Variants in CSMD1 observed in about 807,000 individuals in gnomAD.
CSMD1 encodes the protein CUB and Sushi multiple domains 1, also known as CUB and sushi domain-containing protein 1.
CSMD1 carries 213 observed loss-of-function variants against 417.5 expected under a neutral mutation model. That is an observed-to-expected ratio of 0.51 (90% CI 0.46 to 0.57). The LOEUF is 0.57. Among genes scored for constraint, CSMD1 ranks in the 20% least tolerant of loss-of-function variants. CSMD1 has a pLI of 0.00. For missense variants in CSMD1, 6,923 were observed against 4,529.7 expected, an observed-to-expected ratio of 1.53 and a Z score of -15.17; for synonymous variants, 2,862 against 1,736.8, an observed-to-expected ratio of 1.65 and a Z score of -16.11.
chr8:4,317,943 C>T lies in CSMD1; in HGVS notation c.415+102010G>A, dbSNP rs1027471276. ...TGTCAAGAATGATGTAATATGTTGC[C>T]GTTCCGAATTTAAGGTATTTGGTAT... On this transcript the variant is annotated intron_variant, in intron 3 of 69. Coordinates refer to ENST00000635120, the MANE Select transcript of CSMD1 (RefSeq NM_033225.6). Among the ~76,000 whole-genome samples the T allele has an allele frequency of 2.0e-5, 3 of 152,118 alleles. 1 individual carries two copies. Among genetic ancestry groups the T allele is most frequent in the Middle Eastern group, 6.8e-3 (2 of 294 alleles).
At chr8:3,239,699 C>T (rs924394603) in intron 26 of CSMD1, among the ~76,000 whole-genome samples, 2 of 152,160 alleles carry the variant, frequency 1.3e-5, no homozygotes, top group Non-Finnish European at 2.9e-5. Flanking sequence ...GTGGCTAGTA[C>T]TATAGCATAG....
intron 5 of CSMD1, among the ~76,000 whole-genome samples, chr8:3,784,581 T>C (rs1034122228): frequency 6.6e-6 from 1 of 152,218 alleles, no homozygotes; most frequent in African/African-American, 2.4e-5. Flanking sequence ...TTCTAATTTA[T>C]TAAGATGCTT....
At chr8:3,994,484 C>G (rs1815048025) in intron 5 of CSMD1, among the ~76,000 whole-genome samples, 1 of 148,794 alleles carries the variant, frequency 6.7e-6, no homozygotes, top group South Asian at 2.1e-4. Flanking sequence ...TGGCTAGTCT[C>G]ACCACTACAC....
chr8:4,106,802 G>A (rs752021814), intron 3 of CSMD1, among the ~76,000 whole-genome samples: 16 of 152,096 alleles, frequency 1.1e-4, no homozygotes, highest in Non-Finnish European at 2.2e-4. Context: ...TGGTCTGGGA[G>A]AGCTCAGGTC....
chr8:3,983,063 TC>T (rs1814010555), intron 5 of CSMD1, among the ~76,000 whole-genome samples: 1 of 151,630 alleles, frequency 6.6e-6, no homozygotes, highest in Non-Finnish European at 1.5e-5. Context: ...GTTGGCTGAC[TC>T]TTTTCCCCAG....
At chr8:3,982,783 C>G (rs1204284142) in intron 5 of CSMD1, among the ~76,000 whole-genome samples, 10 of 152,080 alleles carry the variant, frequency 6.6e-5, no homozygotes, top group Non-Finnish European at 1.0e-4. Flanking sequence ...AGGGCCAGAA[C>G]GAGGGCAAGA....
chr8:3,478,028 C>T (rs998255094), intron 11 of CSMD1, among the ~76,000 whole-genome samples: 15 of 152,142 alleles, frequency 9.9e-5, no homozygotes, highest in Non-Finnish European at 2.2e-4. Flanking sequence ...CATACATATA[C>T]TGAAGTTACT....
intron 1 of CSMD1, among the ~76,000 whole-genome samples, chr8:4,781,575 A>G (rs990189800): frequency 6.6e-6 from 1 of 152,242 alleles, no homozygotes; most frequent in Admixed American, 6.5e-5. Flanking sequence ...TTGTGGGTCA[A>G]TTAGATCTTA....
At chr8:4,667,031 A>T (rs1804981277) in intron 1 of CSMD1, among the ~76,000 whole-genome samples, 1 of 152,156 alleles carries the variant, frequency 6.6e-6, no homozygotes, top group Non-Finnish European at 1.5e-5. Context: ...TTTGTGTATA[A>T]TGTGAGATAT....
intron 3 of CSMD1, among the ~76,000 whole-genome samples, chr8:4,209,240 C>G (rs1240239910): frequency 6.6e-6 from 1 of 152,264 alleles, no homozygotes; most frequent in Non-Finnish European, 1.5e-5. Flanking sequence ...GCCCAGATTT[C>G]TAAACGAAAA....
At chr8:4,003,974 A>T (rs774188476) in intron 4 of CSMD1, among the ~76,000 whole-genome samples, 3 of 152,216 alleles carry the variant, frequency 2.0e-5, no homozygotes, top group Non-Finnish European at 4.4e-5. Flanking sequence ...ACTGGAAAAC[A>T]TTCAGAGACT....
At chr8:4,079,326 C>T (rs907959156) in intron 3 of CSMD1, among the ~76,000 whole-genome samples, 12 of 152,150 alleles carry the variant, frequency 7.9e-5, no homozygotes, top group African/African-American at 2.7e-4. Flanking sequence ...GCAATGTCTG[C>T]ATCCCTTGGA....
intron 1 of CSMD1, among the ~76,000 whole-genome samples, chr8:4,660,270 G>A (rs1804507089): frequency 6.6e-6 from 1 of 152,086 alleles, no homozygotes; most frequent in African/African-American, 2.4e-5. Context: ...TATTAAGTCT[G>A]TAACATGGAC....
rs1346271923 is a variant in CSMD1, at chr8:4,100,542, GATCAA to G, written c.416-68448_416-68444del. ...TGGGTATCTTATAGAAGTGTTGAAGGATCAAATCAAAGAATGTATAAAGAGAACAG... is the reference window on the plus strand; with the variant it reads ...TGGGTATCTTATAGAAGTGTTGAAGGATCAAAGAATGTATAAAGAGAACAG... On this transcript the variant is annotated intron_variant, in intron 3 of 69. Coordinates refer to ENST00000635120, the MANE Select transcript of CSMD1 (RefSeq NM_033225.6). Among the ~76,000 whole-genome samples, 13 of 152,144 alleles carry G rather than the reference GATCAA, an allele frequency of 8.5e-5. 1 individual carries two copies. The highest frequency in any genetic ancestry group is 7.9e-4 in the Admixed American group (12 of 15,272).
intron 3 of CSMD1, among the ~76,000 whole-genome samples, chr8:4,306,060 T>C (rs1293671937): frequency 6.6e-6 from 1 of 152,202 alleles, no homozygotes; most frequent in Non-Finnish European, 1.5e-5. Flanking sequence ...TTACTGGACA[T>C]TTTGATTTAT....
chr8:4,934,236 C>A (rs571318804), intron 1 of CSMD1, among the ~76,000 whole-genome samples: 2 of 152,096 alleles, frequency 1.3e-5, no homozygotes, highest in African/African-American at 4.8e-5. Flanking sequence ...CCAGACATCC[C>A]CCAAGGCAGA....
intron 5 of CSMD1, among the ~76,000 whole-genome samples, chr8:3,965,669 G>A (rs574875976): frequency 1.3e-5 from 2 of 152,050 alleles, no homozygotes; most frequent in African/African-American, 4.8e-5. Flanking sequence ...CCAGGCTGGA[G>A]TGCAATGGTG....
chr8:3,892,822 C>T (rs1226926757), intron 5 of CSMD1, among the ~76,000 whole-genome samples: 3 of 150,996 alleles, frequency 2.0e-5, no homozygotes, highest in Admixed American at 6.6e-5. Flanking sequence ...AGCCATGACG[C>T]CCAAGTGCAG....
intron 3 of CSMD1, among the ~76,000 whole-genome samples, chr8:4,303,086 A>G (rs1443550044): frequency 6.6e-6 from 1 of 152,060 alleles, no homozygotes; most frequent in East Asian, 1.9e-4. Context: ...TACACAGACA[A>G]TTTTTGAGTA....
Sources: gnomAD v4.1 joint callset for allele counts (sites outside exome capture counted in the v4.1 genomes callset) on GRCh38, gnomAD v4.1.1 for gene constraint, MANE v1.5 for transcripts, NCBI Gene and HGNC (gene_info 2026-07-23, HGNC 2026-07-21) for gene names.